The following SMG7 variants were observed in gnomAD, a reference collection of about 807,000 sequenced individuals.
The protein encoded by SMG7 is SMG7 nonsense mediated mRNA decay factor.
Under a neutral mutation model 148.2 loss-of-function variants are expected in SMG7, and 34 were observed. The observed-to-expected ratio is 0.23, with a 90% CI of 0.17 to 0.31. SMG7 has a LOEUF of 0.31. Among genes scored for constraint, SMG7 ranks in the 10% least tolerant of loss-of-function variants. The pLI, the probability that SMG7 is intolerant of heterozygous loss-of-function variation, is 1.00. For missense variants in SMG7, 1,114 were observed against 1,408.4 expected (o/e 0.79, Z 3.35); for synonymous variants, 492 against 515.1 (o/e 0.96, Z 0.61).
chr1:183,497,277 T>TATCA (rs1251776530), intron 1 of SMG7, among the ~76,000 whole-genome samples: 1 of 152,242 alleles, frequency 6.6e-6, no homozygotes, highest in African/African-American at 2.4e-5. Flanking sequence ...ATGGCTGTGA[T>TATCA]AGCTAAGAAA....
At chr1:183,510,431 A>T (rs995531893) in intron 1 of SMG7, among the ~76,000 whole-genome samples, 1 of 152,144 alleles carries the variant, frequency 6.6e-6, no homozygotes, top group Non-Finnish European at 1.5e-5. Context: ...GCAAAAGTTA[A>T]CACCTGAAGT....
At chr1:183,516,855 CCTAGTGCT>C (rs1487579494) in intron 3 of SMG7, among the ~76,000 whole-genome samples, 1 of 152,144 alleles carries the variant, frequency 6.6e-6, no homozygotes, top group Non-Finnish European at 1.5e-5. Context: ...CATTAAAAAG[CCTAGTGCT>C]CTAGAGCCTC....
intron 1 of SMG7, among the ~76,000 whole-genome samples, chr1:183,488,310 C>T (rs1171672351): frequency 6.6e-6 from 1 of 152,006 alleles, no homozygotes; most frequent in Non-Finnish European, 1.5e-5. Flanking sequence ...ATATGGTACC[C>T]ACTGGCCACA....
chr1:183,544,476 C>T lies in SMG7; in HGVS notation c.1966C>T (p.Pro656Ser), dbSNP rs1254736712. 6.2e-7 allele frequency: 1 copy of T among 1,613,808 alleles called. No homozygotes were observed. ...CCCCATTCATCACCCTGGAGCCTTC[C>T]CTCCTCTTCCCAGCAGGCCAGGTAA... is the stretch of plus-strand genomic sequence containing the variant. ...FIPIHHPGAF[P>S]PLPSRPGFPP... Residue 656 changes from proline (P) to serine (S), a missense_variant, in exon 15 of 23, where the codon CCT (proline) becomes TCT (serine). Pro to Ser is a moderately conservative substitution (Grantham distance 74, BLOSUM62 -1). Transcript: ENST00000688051.
At position 183,517,607 on chromosome 1, in the gene SMG7, A is replaced by G. The variant is rs1020903065; in HGVS notation, c.180-81A>G. The G allele has an allele frequency of 6.3e-6, 8 of 1,273,576 alleles. No individual in the cohort carries two copies. The Admixed American group carries it at 6.7e-5, about 11-fold the overall frequency. 78.9% of individuals were successfully genotyped at this position (1,273,576 alleles called of 1,614,324 possible). On this transcript the variant is annotated intron_variant, in intron 3 of 22. Coordinates refer to ENST00000688051, the MANE Select transcript of SMG7 (RefSeq NM_001375584.1). ...CTCGTGTGGTATAATTATAACAGAC[A>G]GTTCTTTCTTGTTCTCAGGGGGACC...
rs542028514 is a variant in SMG7, at chr1:183,549,406, G to T, written c.2973+118G>T. 121 of 745,694 alleles carry T rather than the reference G, an allele frequency of 1.6e-4. 2 individuals are homozygous for T. The African/African-American group carries it at 1.9e-3, about 12-fold the overall frequency. The allele number at this position is 745,694 out of a possible 1,614,324, so 46.2% of individuals were successfully genotyped here. A position where few individuals can be genotyped will look rare whatever the true frequency, so the allele number is the denominator to read the frequency against. ...ATTTTCCATGTATTAGTGTATTCCAGATATTTGATTTTATCCCCCTTGTCT... is the reference window on the plus strand; with the variant it reads ...ATTTTCCATGTATTAGTGTATTCCATATATTTGATTTTATCCCCCTTGTCT... On this transcript the variant is annotated intron_variant, in intron 19 of 22. Transcript: ENST00000688051.
In SMG7 at chr1:183,472,609, C is replaced by A; in HGVS notation, c.-12C>A. ...GAGGCTTCGCGGGAAGACGCGGCGG[C>A]GGCGGCGGAGGATGAGCCTGCAGAG... On this transcript the variant is annotated 5_prime_UTR_variant, in exon 1 of 23. Transcript: ENST00000688051. The A allele has an allele frequency of 6.9e-7, 1 of 1,442,624 alleles. No individual in the cohort carries two copies. The highest frequency in any genetic ancestry group is 1.4e-5 in the South Asian group (1 of 72,308). 89.4% of individuals were successfully genotyped at this position (1,442,624 alleles called of 1,614,324 possible). A position where few individuals can be genotyped will look rare whatever the true frequency, so the allele number is the denominator to read the frequency against.
intron 13 of SMG7, among the ~76,000 whole-genome samples, chr1:183,541,358 C>T (rs939866325): frequency 2.0e-5 from 3 of 152,180 alleles, no homozygotes; most frequent in Non-Finnish European, 4.4e-5. Context: ...TCTTGTTTAT[C>T]GTGAGTTTCT....
Position 183,547,100 on chromosome 1 carries a change from T to C in SMG7, c.2743-3T>C. The C allele has an allele frequency of 6.5e-7, 1 of 1,548,648 alleles. No homozygotes were observed. The highest frequency in any genetic ancestry group is 8.7e-7 in the Non-Finnish European group (1 of 1,146,122). On this transcript the variant is annotated splice_region_variant and splice_polypyrimidine_tract_variant and intron_variant, in intron 17 of 22. Transcript: ENST00000688051. ...TTCTCACTGTGATGCTTTCTGTCAC[T>C]AGGACCCCAAGAGCTCCCCTCTGCT...
chr1:183,475,343 A>C (rs145801228), intron 1 of SMG7, among the ~76,000 whole-genome samples: 7 of 152,344 alleles, frequency 4.6e-5, no homozygotes, highest in African/African-American at 1.7e-4. Context: ...ACAGGGATGT[A>C]CTGTTTTATC....
intron 1 of SMG7, among the ~76,000 whole-genome samples, chr1:183,494,922 G>A (rs1451671187): frequency 2.0e-5 from 3 of 150,954 alleles, no homozygotes; most frequent in Admixed American, 6.6e-5. Flanking sequence ...CTTGCCTCCC[G>A]GGTTCAAGCG....
In SMG7 at chr1:183,553,382, T is replaced by G; in HGVS notation, c.*1451T>G. ...TAGGGTTTATTTTCTGGGAGGTCTC[T>G]CCTTTGTGTGTCTGTATGTTTGTGT... On this transcript the variant is annotated 3_prime_UTR_variant, in exon 23 of 23. Coordinates refer to ENST00000688051, the MANE Select transcript of SMG7 (RefSeq NM_001375584.1). 1.5e-6 allele frequency: 1 copy of G among 667,614 alleles called. No individual in the cohort carries two copies. The highest frequency in any genetic ancestry group is 2.5e-6 in the Non-Finnish European group (1 of 405,886). 41.4% of individuals were successfully genotyped at this position (667,614 alleles called of 1,614,324 possible). A position where few individuals can be genotyped will look rare whatever the true frequency, so the allele number is the denominator to read the frequency against.
At position 183,551,906 on chromosome 1, in the gene SMG7, A is replaced by G. The variant is rs1393075878; in HGVS notation, c.3539A>G (p.Gln1180Arg). Residue 1180 changes from glutamine (Q) to arginine (R), a missense_variant, in exon 23 of 23, where the codon CAA (glutamine) becomes CGA (arginine). By Grantham distance (43) the Gln-to-Arg change is conservative (BLOSUM62 1). Around this residue, in one of 4 missense-constraint regions of SMG7, gnomAD observed 788 missense variants for 894.5 expected, o/e 0.88. Transcript: ENST00000688051. ...CAGAAGCAGAAACAGCAACGGGGAC[A>G]AGGCACCATGAACCCTCCACACTGA... Reference protein sequence around the residue: ...MQQKQKQQRGQGTMNPPH With the variant: ...MQQKQKQQRGRGTMNPPH The G allele has an allele frequency of 6.2e-7, 1 of 1,613,728 alleles. No homozygotes were observed. Among genetic ancestry groups the G allele is most frequent in the Admixed American group, 1.7e-5 (1 of 59,998 alleles).
At chr1:183,519,073 A>T (rs1185050190) in intron 4 of SMG7, among the ~76,000 whole-genome samples, 1 of 152,056 alleles carries the variant, frequency 6.6e-6, no homozygotes, top group African/African-American at 2.4e-5. Flanking sequence ...CCTGCCTGTA[A>T]TCCCAGCTAC....
chr1:183,533,255 G>C lies in SMG7; in HGVS notation c.935G>C (p.Ser312Thr). 6.2e-7 allele frequency: 1 copy of C among 1,613,982 alleles called. No homozygotes were observed. The highest frequency in any genetic ancestry group is 8.5e-7 in the Non-Finnish European group (1 of 1,179,876). The change falls in exon 9 of 23, where the codon AGC becomes ACC. Residue 312 changes from serine to threonine, a missense_variant. Ser to Thr is a moderately conservative substitution (Grantham distance 58, BLOSUM62 1). Transcript: ENST00000688051. ...LFQLHHLRDF[S>T]NETEQHTYSQ... ...CAACTTCATCACCTTCGTGACTTTA[G>C]CAATGAAACCGAGCAGCACACTTAT...
At chr1:183,499,070 T>TGA (rs1190800567) in intron 1 of SMG7, among the ~76,000 whole-genome samples, 3 of 152,238 alleles carry the variant, frequency 2.0e-5, no homozygotes, top group Non-Finnish European at 4.4e-5. Context: ...TTTCATGGTT[T>TGA]GATAGTTCAT....
chr1:183,525,999 C>G (rs143587203), intron 4 of SMG7, among the ~76,000 whole-genome samples: 355 of 151,976 alleles, frequency 2.3e-3, no homozygotes, highest in African/African-American at 8.3e-3. Flanking sequence ...AAAATCGTGT[C>G]TGAAAATCCT....
chr1:183,480,170 C>T (rs1249532933), intron 1 of SMG7, among the ~76,000 whole-genome samples: 2 of 152,122 alleles, frequency 1.3e-5, no homozygotes, highest in African/African-American at 4.8e-5. Flanking sequence ...TACCATCCTT[C>T]AGGATCTTTT....
At chr1:183,504,197 A>T (rs750125307) in intron 1 of SMG7, among the ~76,000 whole-genome samples, 2 of 152,144 alleles carry the variant, frequency 1.3e-5, no homozygotes, top group Non-Finnish European at 2.9e-5. Flanking sequence ...GTAGGTATCT[A>T]CCAGTGTTAT....
Sources: gnomAD v4.1 joint callset for allele counts (sites outside exome capture counted in the v4.1 genomes callset) on GRCh38, gnomAD v4.1.1 for gene constraint, gnomAD v4.1.1 regional missense constraint, MANE v1.5 for transcripts, NCBI Gene and HGNC (gene_info 2026-07-23, HGNC 2026-07-21) for gene names.